MYCBP2: variants seen among roughly 807,000 people sequenced by gnomAD.
The protein encoded by MYCBP2 is E3 ubiquitin-protein ligase MYCBP2.
Under a neutral mutation model 525.3 loss-of-function variants are expected in MYCBP2, and 120 were observed. The observed-to-expected ratio is 0.23, with a 90% CI of 0.20 to 0.27. The LOEUF is 0.27. MYCBP2 is among the 10% of genes least tolerant of loss of function. The probability of loss-of-function intolerance (pLI) is 1.00; values close to 1 mark genes in which losing one functional copy is unlikely to be tolerated. For synonymous variants in MYCBP2, 1,894 were observed against 1,955.8 expected, an observed-to-expected ratio of 0.97 and a Z score of 0.83; for missense variants, 4,149 against 5,657.1, an observed-to-expected ratio of 0.73 and a Z score of 8.55.
At position 77,206,798 on chromosome 13, in the gene MYCBP2, C is replaced by G; in HGVS notation, c.3444G>C (p.Trp1148Cys). 6.2e-7 allele frequency: 1 copy of G among 1,608,712 alleles called. No individual in the cohort carries two copies. The part of the protein sequence containing the change: ...WRFRPNTREL[W>C]CYNAVVADAR... ...CATCAGCAACCACCGCATTGTAACA[C>G]CACAGCTCTCTAGTATTTGGTCGAA... Residue 1148 changes from tryptophan (W) to cysteine (C), a missense_variant, in exon 24 of 83, where the codon TGG (tryptophan) becomes TGC (cysteine). Trp to Cys is a radical substitution (Grantham distance 215, BLOSUM62 -2). Around this residue, in one of 21 missense-constraint regions of MYCBP2, gnomAD observed 620 missense variants for 795.5 expected, o/e 0.78. Transcript: ENST00000544440.
intron 72 of MYCBP2, 125 bp from the exon 73 acceptor site, chr13:77,064,859 A>C (rs527968760): frequency 2.2e-5 from 19 of 848,192 alleles, no homozygotes; most frequent in Middle Eastern, 2.5e-4. Flanking sequence ...ATGGAATTTT[A>C]GATTATGGGC....
intron 2 of MYCBP2, 40 bp downstream of exon 2, chr13:77,296,559 T>C (rs1031525580): frequency 8.5e-6 from 13 of 1,535,860 alleles, no homozygotes; most frequent in Non-Finnish European, 9.5e-6. Context: ...AATCACCATA[T>C]GAAAAAGTCC....
At position 77,097,403 on chromosome 13, in the gene MYCBP2, G is replaced by A; in HGVS notation, c.9751C>T (p.Pro3251Ser). 1 of 1,611,354 alleles carries A rather than the reference G, an allele frequency of 6.2e-7. No individual in the cohort carries two copies. ...CELCGESHPYPVTYHMRQAHP... is the reference protein window; with the variant it reads ...CELCGESHPYSVTYHMRQAHP... Reference sequence around the variant, plus strand: ...GCTTGTCTCATGTGATAGGTCACCGGGTATGGATGTGACTCCCCACACAGT... The same window carrying A: ...GCTTGTCTCATGTGATAGGTCACCGAGTATGGATGTGACTCCCCACACAGT... The change falls in exon 56 of 83, where the codon CCG (proline) becomes TCG (serine). Residue 3251 changes from proline to serine, a missense_variant. Pro to Ser is a moderately conservative substitution (Grantham distance 74). Around this residue, in one of 21 missense-constraint regions of MYCBP2, gnomAD observed 26 missense variants for 48.2 expected, o/e 0.54. Coordinates refer to ENST00000544440, the MANE Select transcript of MYCBP2 (RefSeq NM_015057.5).
At chr13:77,157,721 G>T (rs906869704) in intron 45 of MYCBP2, among the ~76,000 whole-genome samples, 5 of 152,196 alleles carry the variant, frequency 3.3e-5, no homozygotes, top group Admixed American at 2.0e-4. Context: ...CTGCACTCCA[G>T]CCTGGGCAAC....
intron 55 of MYCBP2, chr13:77,118,351 G>T (rs1445597643): frequency 1.3e-6 from 1 of 760,302 alleles, no homozygotes; most frequent in Non-Finnish European, 2.4e-6. Context: ...CTGAAGCTGA[G>T]GCTGCTGGAA....
At chr13:77,308,935 C>T (rs952349376) in intron 1 of MYCBP2, among the ~76,000 whole-genome samples, 3 of 152,142 alleles carry the variant, frequency 2.0e-5, no homozygotes, top group African/African-American at 4.8e-5. Flanking sequence ...AACTCTCTGG[C>T]GCATGTGAGT....
At chr13:77,154,993 T>C (rs2057040225) in intron 46 of MYCBP2, among the ~76,000 whole-genome samples, 2 of 152,062 alleles carry the variant, frequency 1.3e-5, no homozygotes, top group African/African-American at 4.8e-5. Context: ...TTATATGTAC[T>C]TAACATATGC....
chr13:77,277,628 CT>C (rs1258631452), intron 4 of MYCBP2, among the ~76,000 whole-genome samples: 3 of 152,186 alleles, frequency 2.0e-5, no homozygotes, highest in African/African-American at 7.2e-5. Flanking sequence ...AAGTTTTAGT[CT>C]AAACCAGCAG....
At chr13:77,048,162 G>A (rs998600724) in intron 82 of MYCBP2, among the ~76,000 whole-genome samples, 3 of 152,002 alleles carry the variant, frequency 2.0e-5, no homozygotes, top group African/African-American at 7.3e-5. Flanking sequence ...GTCATGGGGT[G>A]GAATCCATGA....
At chr13:77,195,238 A>G (rs2061644733) in intron 26 of MYCBP2, among the ~76,000 whole-genome samples, 1 of 152,184 alleles carries the variant, frequency 6.6e-6, no homozygotes, top group South Asian at 2.1e-4. Context: ...TACTAGTTCT[A>G]TACCTTCTTC....
chr13:77,314,856 G>T (rs150112063), intron 1 of MYCBP2, among the ~76,000 whole-genome samples: 1 of 152,056 alleles, frequency 6.6e-6, no homozygotes, highest in Non-Finnish European at 1.5e-5. Context: ...ATGCGTGAGT[G>T]GGGGAAAGGG....
intron 17 of MYCBP2, among the ~76,000 whole-genome samples, chr13:77,236,940 CTT>C (rs2068017196): frequency 6.6e-6 from 1 of 152,058 alleles, no homozygotes; most frequent in Non-Finnish European, 1.5e-5. Context: ...AAACACTACT[CTT>C]ATACATTAGT....
intron 69 of MYCBP2, 89 bp downstream of exon 69, chr13:77,070,542 C>T: frequency 3.3e-6 from 3 of 916,242 alleles, no homozygotes; most frequent in Admixed American, 2.1e-5. Context: ...CTGCTTTATA[C>T]CCTAATAACA....
At chr13:77,174,590 T>C in intron 36 of MYCBP2, 101 bp from the exon 37 acceptor site, 1 of 840,658 alleles carries the variant, frequency 1.2e-6, no homozygotes, top group Non-Finnish European at 1.8e-6. Flanking sequence ...AAATTCTTTG[T>C]CATATTTACA....
chr13:77,188,598 A>G (rs1007277990), intron 30 of MYCBP2, among the ~76,000 whole-genome samples: 4 of 152,156 alleles, frequency 2.6e-5, no homozygotes, highest in Non-Finnish European at 5.9e-5. Flanking sequence ...CTAGTTCCTC[A>G]AGTAGTAATC....
In MYCBP2 at chr13:77,123,142, C is replaced by T. The variant is rs552309730; in HGVS notation, c.8018-1647G>A. Among the ~76,000 whole-genome samples the T allele has an allele frequency of 3.3e-5, 5 of 152,324 alleles. No homozygotes were observed. In the South Asian group the frequency reaches 1.0e-3, roughly 32 times the overall value. ...ATTACCATAGTGCCAAATCTTTGTA[C>T]TTCCATATTAAATATTATCACCAAT... On this transcript the variant is annotated intron_variant, in intron 54 of 82. Transcript: ENST00000544440.
chr13:77,118,253 G>A (rs1594699883), intron 55 of MYCBP2: 2 of 614,060 alleles, frequency 3.3e-6, no homozygotes, highest in African/African-American at 1.8e-5. Flanking sequence ...CCAGTCAGGT[G>A]AGTTGATAAC....
chr13:77,087,369 C>T, intron 62 of MYCBP2, 115 bp downstream of exon 62: 1 of 928,186 alleles, frequency 1.1e-6, no homozygotes, highest in Non-Finnish European at 1.6e-6. Context: ...CTAAAATATT[C>T]TTTTTGCTTT....
chr13:77,263,616 A>G, intron 10 of MYCBP2, 35 bp downstream of exon 10: 1 of 1,571,552 alleles, frequency 6.4e-7, no homozygotes, highest in Non-Finnish European at 8.7e-7. Context: ...ATTGAAAATT[A>G]AAATATAGGG....
Sources: gnomAD v4.1 joint callset for allele counts (sites outside exome capture counted in the v4.1 genomes callset) on GRCh38, gnomAD v4.1.1 for gene constraint, gnomAD v4.1.1 regional missense constraint, MANE v1.5 for transcripts, NCBI Gene and HGNC (gene_info 2026-07-23, HGNC 2026-07-21) for gene names.